The following SLK variants were observed in gnomAD, a reference collection of about 807,000 sequenced individuals.
SLK encodes the protein STE20-like serine/threonine-protein kinase.
SLK carries 67 observed loss-of-function variants against 147.7 expected under a neutral mutation model. That is an observed-to-expected ratio of 0.45 (90% CI 0.37 to 0.56). The LOEUF (loss-of-function observed/expected upper bound fraction) is 0.56. Ranked by LOEUF, SLK falls within the 20% of genes least tolerant of loss-of-function variation. The probability of loss-of-function intolerance (pLI) is 0.00; values close to 1 mark genes in which losing one functional copy is unlikely to be tolerated. For missense variants in SLK, 1,136 were observed against 1,438.8 expected, an observed-to-expected ratio of 0.79 and a Z score of 3.41; for synonymous variants, 441 against 475.0, an observed-to-expected ratio of 0.93 and a Z score of 0.93.
rs752412807 is a variant in SLK at position 104,002,575 on chromosome 10, A to T, written c.1397A>T (p.Asn466Ile). Residue 466 changes from asparagine (N) to isoleucine (I), a missense_variant, in exon 9 of 19, where the codon AAT (asparagine) becomes ATT (isoleucine). Asn to Ile is a moderately radical substitution (Grantham distance 149, BLOSUM62 -3). Transcript: ENST00000369755. ...MITLETNIEH[N>I]LKSEEEKDQE... ...ACCTTAGAAACAAATATTGAACATAATCTAAAATCTGAGGAAGAAAAGGAT... is the reference window on the plus strand; with the variant it reads ...ACCTTAGAAACAAATATTGAACATATTCTAAAATCTGAGGAAGAAAAGGAT... The T allele has an allele frequency of 1.7e-5, 28 of 1,604,230 alleles. No homozygotes were observed. The highest frequency in any genetic ancestry group is 1.7e-4 in the Middle Eastern group (1 of 6,040).
Position 104,002,873 on chromosome 10 carries a change from T to C in SLK, c.1695T>C (p.Ser565=). 6.2e-7 allele frequency: 1 copy of C among 1,614,060 alleles called. No homozygotes were observed. The highest frequency in any genetic ancestry group is 8.5e-7 in the Non-Finnish European group (1 of 1,179,996). ...ADVAQKVDED[S]AEDTQSNDGK... is the part of the protein sequence containing the mutation. ...TGGCTCAGAAAGTGGATGAAGACAG[T>C]GCTGAGGATACGCAGAGTAATGATG... The change falls in exon 9 of 19, where the codon AGT becomes AGC. Residue 565 remains serine (S), a synonymous_variant. Coordinates refer to ENST00000369755, the MANE Select transcript of SLK (RefSeq NM_014720.4).
rs780827480 is a variant in SLK at position 104,005,608 on chromosome 10, T to G, written c.2397T>G (p.Ile799Met). 2 of 1,606,162 alleles carry G rather than the reference T, an allele frequency of 1.2e-6. No individual in the cohort carries two copies. Among genetic ancestry groups the G allele is most frequent in the Admixed American group, 3.4e-5 (2 of 58,218 alleles). ...KKTLKKTRKFIVDGVEVSVTT... is the reference protein window; with the variant it reads ...KKTLKKTRKFMVDGVEVSVTT... Reference sequence around the variant, plus strand: ...CATTGAAGAAAACACGCAAATTTATTGTTGATGGTGTAGAAGTGAGTGTAA... The same window carrying G: ...CATTGAAGAAAACACGCAAATTTATGGTTGATGGTGTAGAAGTGAGTGTAA... The change falls in exon 10 of 19, where the codon ATT becomes ATG. Residue 799 changes from isoleucine (I) to methionine (M), a missense_variant. This residue lies in a region of SLK where 21 missense variants were observed against 69.9 expected (regional missense o/e 0.30). Transcript: ENST00000369755.
At chr10:103,970,761 C>T (rs779687875) in intron 1 of SLK, among the ~76,000 whole-genome samples, 5 of 152,100 alleles carry the variant, frequency 3.3e-5, no homozygotes, top group African/African-American at 4.8e-5. Context: ...CTATCATTTG[C>T]TTACAGAAAT....
At position 104,019,774 on chromosome 10, in the gene SLK, A is replaced by C; in HGVS notation, c.3173A>C (p.Glu1058Ala). Residue 1058 changes from glutamate (E) to alanine (A), a missense_variant, in exon 16 of 19, where the codon GAG becomes GCG. Physicochemically the swap from Glu to Ala is moderately radical, Grantham distance 107. Transcript: ENST00000369755. The part of the protein sequence containing the change: ...QMQRYNQRLI[E>A]ELKNRQTQER... ...CAGCGTTACAATCAAAGACTTATTG[A>C]GGAATTGAAAAACAGACAGACTCAA... 8.7e-6 allele frequency: 14 copies of C among 1,614,130 alleles called. No individual in the cohort carries two copies. Among genetic ancestry groups the C allele is most frequent in the Non-Finnish European group, 1.1e-5 (13 of 1,179,958 alleles).
intron 4 of SLK, among the ~76,000 whole-genome samples, chr10:103,995,511 C>G (rs1844159198): frequency 6.6e-6 from 1 of 150,512 alleles, no homozygotes; most frequent in Non-Finnish European, 1.5e-5. Flanking sequence ...ACTGCAACCC[C>G]CACCTCCTGG....
rs578246234 is a variant in SLK at position 104,013,169 on chromosome 10, CTT to C, written c.2877+2267_2877+2268del. ...TTATAACTTTACAGTCTATTTCAAA[CTT>C]TTTTTGAGAATTCATAAGTAATGGT... On this transcript the variant is annotated intron_variant, in intron 13 of 18. Coordinates refer to ENST00000369755, the MANE Select transcript of SLK (RefSeq NM_014720.4). 1.3e-3 allele frequency among the ~76,000 whole-genome samples: 203 copies of C among 152,304 alleles called. 1 individual carries two copies. The highest frequency in any genetic ancestry group is 4.7e-3 in the African/African-American group (196 of 41,560).
At chr10:104,000,775 AG>A (rs1844235243) in intron 7 of SLK, among the ~76,000 whole-genome samples, 1 of 152,170 alleles carries the variant, frequency 6.6e-6, no homozygotes, top group African/African-American at 2.4e-5. Flanking sequence ...AGTAATAATG[AG>A]GCCAGGTGTA....
chr10:104,019,470 C>A (rs1325322837), intron 15 of SLK, among the ~76,000 whole-genome samples: 1 of 152,030 alleles, frequency 6.6e-6, no homozygotes, highest in African/African-American at 2.4e-5. Flanking sequence ...CAGGGTCTCA[C>A]TATGTTTCAC....
intron 4 of SLK, among the ~76,000 whole-genome samples, chr10:103,997,145 T>G (rs1473272397): frequency 6.6e-6 from 1 of 152,208 alleles, no homozygotes; most frequent in African/African-American, 2.4e-5. Context: ...TTTTGACCAC[T>G]CTAGGTATAT....
chr10:104,021,156 T>C (rs1166814892), intron 17 of SLK, among the ~76,000 whole-genome samples: 1 of 152,202 alleles, frequency 6.6e-6, no homozygotes, highest in East Asian at 1.9e-4. Context: ...TTCAGAGTAG[T>C]GTATAAATGT....
intron 18 of SLK, among the ~76,000 whole-genome samples, chr10:104,022,819 G>A (rs1844553002): frequency 6.6e-6 from 1 of 152,196 alleles, no homozygotes; most frequent in African/African-American, 2.4e-5. Flanking sequence ...TGTTGGCCAG[G>A]CTGGTCTCAA....
At position 104,002,522 on chromosome 10, in the gene SLK, T is replaced by C. The variant is rs565054668; in HGVS notation, c.1344T>C (p.Ser448=). 6.2e-6 allele frequency: 10 copies of C among 1,611,178 alleles called. No homozygotes were observed. In the East Asian group the frequency reaches 8.9e-5, roughly 14 times the overall value. The change falls in exon 9 of 19, where the codon AGT becomes AGC. Residue 448 remains serine, a synonymous_variant. Coordinates refer to ENST00000369755, the MANE Select transcript of SLK (RefSeq NM_014720.4). ...DQETVDINSV[S]EGKENNIMIT... ...AAACTGTGGACATTAATTCAGTCAG[T>C]GAAGGAAAAGAGAATAATATAATGA...
intron 13 of SLK, among the ~76,000 whole-genome samples, chr10:104,015,091 T>G (rs914340418): frequency 6.6e-6 from 1 of 151,698 alleles, no homozygotes; most frequent in African/African-American, 2.4e-5. Context: ...ATATATTGAT[T>G]AGTGTGTAAG....
At position 104,028,049 on chromosome 10, in the gene SLK, A is replaced by C. The variant is rs989337033; in HGVS notation, c.*2329A>C. 6.6e-6 allele frequency: 1 copy of C among 152,240 alleles called. No homozygotes were observed. Among genetic ancestry groups the C allele is most frequent in the Non-Finnish European group, 1.5e-5 (1 of 68,042 alleles). The allele number at this position is 152,240 out of a possible 1,614,324, so 9.4% of individuals were successfully genotyped here. A position where few individuals can be genotyped will look rare whatever the true frequency, so the allele number is the denominator to read the frequency against. ...TTCAAAAAGTGTTTTGTTATAAAATACGCTGTTTGTACCCATACCAGCCCA... is the reference window on the plus strand; with the variant it reads ...TTCAAAAAGTGTTTTGTTATAAAATCCGCTGTTTGTACCCATACCAGCCCA... On this transcript the variant is annotated 3_prime_UTR_variant, in exon 19 of 19. Coordinates refer to ENST00000369755, the MANE Select transcript of SLK (RefSeq NM_014720.4).
chr10:103,996,860 T>C (rs1047153703), intron 4 of SLK, among the ~76,000 whole-genome samples: 1 of 152,230 alleles, frequency 6.6e-6, no homozygotes, highest in Non-Finnish European at 1.5e-5. Flanking sequence ...CTGTTGTCCA[T>C]GTTTGTAACT....
chr10:104,010,764 T>G, intron 12 of SLK, 52 bp from the exon 13 acceptor site: 1 of 1,183,956 alleles, frequency 8.4e-7, no homozygotes. Flanking sequence ...CATAAATGCT[T>G]GCTGTGGAGA....
At chr10:104,003,636 T>G in intron 9 of SLK, 109 bp downstream of exon 9, 1 of 902,844 alleles carries the variant, frequency 1.1e-6, no homozygotes. Flanking sequence ...TAATGTAGTA[T>G]TAACAATATA....
In SLK at chr10:103,967,729, C is replaced by CT. The variant is rs1312493087; in HGVS notation, c.-16dup. On this transcript the variant is annotated 5_prime_UTR_variant, in exon 1 of 19. Transcript: ENST00000369755. ...TTTTAGTCCTTAAGTGCAAGGAACT[C>CT]TGTGTTGGGAGGAAAAATGTCCTTC... The CT allele has an allele frequency of 6.2e-7, 1 of 1,613,392 alleles. No homozygotes were observed. Among genetic ancestry groups the CT allele is most frequent in the Middle Eastern group, 1.7e-4 (1 of 6,060 alleles).
chr10:103,981,326 A>G (rs1384346485), intron 1 of SLK, among the ~76,000 whole-genome samples: 3 of 151,998 alleles, frequency 2.0e-5, no homozygotes, highest in Non-Finnish European at 4.4e-5. Flanking sequence ...TGTCTTTTAA[A>G]ATGTATAACA....
Sources: gnomAD v4.1 joint callset for allele counts (sites outside exome capture counted in the v4.1 genomes callset) on GRCh38, gnomAD v4.1.1 for gene constraint, gnomAD v4.1.1 regional missense constraint, MANE v1.5 for transcripts, NCBI Gene and HGNC (gene_info 2026-07-23, HGNC 2026-07-21) for gene names.